FAM219A: variants seen among roughly 807,000 people sequenced by gnomAD.
FAM219A encodes the protein family with sequence similarity 219 member A, also known as protein FAM219A.
A neutral mutation model predicts 23.4 loss-of-function variants in FAM219A; 7 were observed. The observed-to-expected ratio is 0.30, with a 90% CI of 0.17 to 0.56. The LOEUF is 0.56. FAM219A is among the 20% of genes least tolerant of loss of function. FAM219A has a pLI of 0.92. For missense variants in FAM219A, 166 were observed against 246.9 expected (o/e 0.67, Z 2.20); for synonymous variants, 93 against 99.0 (o/e 0.94, Z 0.36).
At chr9:34,413,732 G>A (rs908618223) in intron 1 of FAM219A, among the ~76,000 whole-genome samples, 1 of 152,170 alleles carries the variant, frequency 6.6e-6, no homozygotes, top group South Asian at 2.1e-4. Context: ...GAATAAAGTC[G>A]TGCCTGTACC....
rs1224430399 is a variant in FAM219A at position 34,398,740 on chromosome 9, T to G, written c.*2224A>C. 5.8e-5 allele frequency: 7 copies of G among 120,956 alleles called. No individual in the cohort carries two copies. Among genetic ancestry groups the G allele is most frequent in the Non-Finnish European group, 9.8e-5 (6 of 61,454 alleles). 7.5% of individuals were successfully genotyped at this position (120,956 alleles called of 1,614,324 possible). ...AAAGGTGAGCCAAGGAGCCCCGGGG[T>G]GGTGGTGGTGGTAGTGGGAGGGCTG... On this transcript the variant is annotated 3_prime_UTR_variant, in exon 6 of 6. Coordinates refer to ENST00000651358, the MANE Select transcript of FAM219A (RefSeq NM_001184940.2).
At chr9:34,416,231 GA>G (rs1201676542) in intron 1 of FAM219A, among the ~76,000 whole-genome samples, 1 of 116,356 alleles carries the variant, frequency 8.6e-6, no homozygotes, top group African/African-American at 3.3e-5. Flanking sequence ...AAGAAAGAAA[GA>G]AAGAAAGAAA....
At chr9:34,456,188 G>A (rs1161896868) in intron 1 of FAM219A, among the ~76,000 whole-genome samples, 2 of 151,824 alleles carry the variant, frequency 1.3e-5, no homozygotes, top group African/African-American at 2.4e-5. Context: ...GAGGGACCCT[G>A]TCTCAAAAAA....
rs1377315938 is a variant in FAM219A at position 34,399,978 on chromosome 9, G to GAT, written c.*984_*985dup. The GAT allele has an allele frequency of 2.0e-5, 3 of 152,704 alleles. No individual in the cohort carries two copies. Among genetic ancestry groups the GAT allele is most frequent in the African/African-American group, 7.2e-5 (3 of 41,566 alleles). The allele number at this position is 152,704 out of a possible 1,614,324, so 9.5% of individuals were successfully genotyped here. A position where few individuals can be genotyped will look rare whatever the true frequency, so the allele number is the denominator to read the frequency against. ...CCACCCACCCCCTGACAGCCTCAGA[G>GAT]ATACACACACATTCTGCTAAGCACT... On this transcript the variant is annotated 3_prime_UTR_variant, in exon 6 of 6. Transcript: ENST00000651358.
At chr9:34,436,849 T>A (rs77382651) in intron 1 of FAM219A, among the ~76,000 whole-genome samples, 1 of 152,234 alleles carries the variant, frequency 6.6e-6, no homozygotes, top group African/African-American at 2.4e-5. Flanking sequence ...TTACCTACTT[T>A]GCAAGGCTGG....
chr9:34,442,021 T>G (rs1046801246), intron 1 of FAM219A, among the ~76,000 whole-genome samples: 1 of 152,164 alleles, frequency 6.6e-6, no homozygotes. Context: ...CTAGCCAACT[T>G]TTATAGTGGA....
In FAM219A at chr9:34,458,405, T is replaced by C. The variant is rs1214159824; in HGVS notation, c.-142A>G. 2.2e-6 allele frequency: 1 copy of C among 454,394 alleles called. No individual in the cohort carries two copies. The highest frequency in any genetic ancestry group is 3.4e-6 in the Non-Finnish European group (1 of 295,726). The allele number at this position is 454,394 out of a possible 1,614,324, so 28.1% of individuals were successfully genotyped here. On this transcript the variant is annotated 5_prime_UTR_variant, in exon 1 of 6. Coordinates refer to ENST00000651358, the MANE Select transcript of FAM219A (RefSeq NM_001184940.2). This position sits in a 1 kb window ranked among gnomAD's most constrained non-coding sequence, Gnocchi z 6.6. ...CTCGGGCGGGCAGGGGCCGGGCGGA[T>C]GCAGGGGTGGGCGGGGGCGAGAGGT...
At chr9:34,412,231 G>A (rs1444314182) in intron 1 of FAM219A, among the ~76,000 whole-genome samples, 1 of 152,134 alleles carries the variant, frequency 6.6e-6, no homozygotes, top group Non-Finnish European at 1.5e-5. Flanking sequence ...GATAATAGGG[G>A]CCTGAACCAA....
At chr9:34,405,389 G>A (rs1422086718) in intron 2 of FAM219A, among the ~76,000 whole-genome samples, 1 of 152,176 alleles carries the variant, frequency 6.6e-6, no homozygotes, top group Non-Finnish European at 1.5e-5. Flanking sequence ...GAAACGAAGG[G>A]AAAACTCCCC....
At chr9:34,436,026 A>G (rs141429377) in intron 1 of FAM219A, among the ~76,000 whole-genome samples, 3,205 of 152,202 alleles carry the variant, frequency 0.021, 53 homozygotes, top group Non-Finnish European at 0.033. Flanking sequence ...GCTGGTCTCA[A>G]TCTCCTGACC....
At chr9:34,428,911 G>C (rs1044112210) in intron 1 of FAM219A, among the ~76,000 whole-genome samples, 2 of 152,258 alleles carry the variant, frequency 1.3e-5, no homozygotes, top group Non-Finnish European at 2.9e-5. Context: ...GAGCAAGAGA[G>C]AGGCCAAGCT....
intron 1 of FAM219A, among the ~76,000 whole-genome samples, chr9:34,437,316 A>G (rs1213954332): frequency 1.3e-5 from 2 of 152,188 alleles, no homozygotes; most frequent in Non-Finnish European, 2.9e-5. Context: ...TGGAGGCTAC[A>G]AAGGATCCAT....
At chr9:34,445,176 T>C (rs1111069) in intron 1 of FAM219A, among the ~76,000 whole-genome samples, 72,145 of 151,952 alleles carry the variant, frequency 0.47, 18,407 homozygotes, top group African/African-American at 0.65. Flanking sequence ...CTCCTCTCCT[T>C]TCCACTCTTA....
chr9:34,415,539 C>A (rs1564002878), intron 1 of FAM219A, among the ~76,000 whole-genome samples: 1 of 152,200 alleles, frequency 6.6e-6, no homozygotes, highest in African/African-American at 2.4e-5. Context: ...TTTAGTTTCA[C>A]CACCTTGAGA....
At chr9:34,446,640 G>C (rs1823385712) in intron 1 of FAM219A, among the ~76,000 whole-genome samples, 1 of 152,190 alleles carries the variant, frequency 6.6e-6, no homozygotes, top group East Asian at 1.9e-4. Flanking sequence ...GGTTCTCCCT[G>C]TGAAGCTACA....
At chr9:34,401,554 A>G in intron 5 of FAM219A, 112 bp downstream of exon 5, 6 of 1,254,112 alleles carry the variant, frequency 4.8e-6, no homozygotes, top group Non-Finnish European at 5.6e-6. Flanking sequence ...GGCACCACCC[A>G]GCCTTGCCCA....
chr9:34,421,001 T>A (rs1822252920), intron 1 of FAM219A, among the ~76,000 whole-genome samples: 5 of 60,736 alleles, frequency 8.2e-5, no homozygotes, highest in Admixed American at 1.6e-4. Context: ...TATGTGTGTG[T>A]GTGTGTGTGA....
At chr9:34,440,926 C>G (rs1322067759) in intron 1 of FAM219A, among the ~76,000 whole-genome samples, 1 of 152,054 alleles carries the variant, frequency 6.6e-6, no homozygotes, top group Non-Finnish European at 1.5e-5. Context: ...TGGCTATTCA[C>G]AGGCCTGATC....
At chr9:34,422,379 C>G (rs1012428046) in intron 1 of FAM219A, among the ~76,000 whole-genome samples, 3 of 152,158 alleles carry the variant, frequency 2.0e-5, no homozygotes, top group African/African-American at 7.2e-5. Context: ...AAAGTCACAC[C>G]TGGTAGGCAA....
Sources: allele counts gnomAD v4.1 joint callset (sites outside exome capture counted in the v4.1 genomes callset), GRCh38; gene constraint gnomAD v4.1.1; non-coding constraint Gnocchi (gnomAD v3.1); transcripts MANE v1.5; gene names NCBI Gene and HGNC (gene_info 2026-07-23, HGNC 2026-07-21).